The following BPIFC variants were observed in gnomAD, a reference collection of about 807,000 sequenced individuals.
The protein encoded by BPIFC is BPI fold containing family C, also known as BPI fold-containing family C protein.
Under a neutral mutation model 57.6 loss-of-function variants are expected in BPIFC, and 60 were observed. The observed-to-expected ratio is 1.04, with a 90% CI of 0.85 to 1.29. The LOEUF (loss-of-function observed/expected upper bound fraction) is 1.29. Among genes scored for constraint, BPIFC ranks in the 50% most tolerant of loss-of-function variants. The probability of loss-of-function intolerance (pLI) is 0.00; values close to 1 mark genes in which losing one functional copy is unlikely to be tolerated. For missense variants in BPIFC, 581 were observed against 600.5 expected, an observed-to-expected ratio of 0.97 and a Z score of 0.34; for synonymous variants, 243 against 224.5, an observed-to-expected ratio of 1.08 and a Z score of -0.74.
chr22:32,431,439 A>ATTTATTTTTTTTTTTTTT, intron 12 of BPIFC, 25 bp from the exon 13 acceptor site: 1 of 1,343,072 alleles, frequency 7.4e-7, no homozygotes, highest in Non-Finnish European at 1.1e-6. Flanking sequence ...AGCATTTATT[A>ATTTATTTTTTTTTTTTTT]TTAAGACGAG....
At chr22:32,430,120 G>A (rs535351642) in intron 13 of BPIFC, among the ~76,000 whole-genome samples, 8 of 152,266 alleles carry the variant, frequency 5.3e-5, no homozygotes, top group South Asian at 2.1e-4. Context: ...GCCTTTCACC[G>A]TGTGTCACAT....
chr22:32,430,300 C>A (rs557536942), intron 13 of BPIFC, among the ~76,000 whole-genome samples: 5 of 152,154 alleles, frequency 3.3e-5, no homozygotes, highest in Non-Finnish European at 7.3e-5. Context: ...GGATCACAGT[C>A]ATAGAGCCTG....
chr22:32,431,397 A>G lies in BPIFC; in HGVS notation c.1167T>C (p.Val389=). 2.5e-6 allele frequency: 4 copies of G among 1,611,076 alleles called. No homozygotes were observed. The highest frequency in any genetic ancestry group is 3.4e-6 in the Non-Finnish European group (4 of 1,177,498). Residue 389 remains valine (V), a synonymous_variant, in exon 13 of 17, where the codon GTT becomes GTC. Transcript: ENST00000300399. Reference sequence around the variant, plus strand: ...GTCTTTGTCCCAAAATAACCAGGCCAACACTGGTACTAGCAACCTATAGAC... The same window carrying G: ...GTCTTTGTCCCAAAATAACCAGGCCGACACTGGTACTAGCAACCTATAGAC... ...VSMDFVASTS[V]GLVILGQRLV...
Position 32,447,292 on chromosome 22 carries a change from C to T in BPIFC, c.294G>A (p.Val98=). The change falls in exon 5 of 17, where the codon GTG becomes GTA. Residue 98 remains valine, a synonymous_variant. Transcript: ENST00000300399. ...FSFPNTSLAF[V]PGVGIKALTN... ...TTAGCGCTTTGATTCCCACTCCAGG[C>T]ACAAAAGCCAATGAGGTATTTGGAA... The T allele has an allele frequency of 6.2e-7, 1 of 1,614,066 alleles. No individual in the cohort carries two copies. Among genetic ancestry groups the T allele is most frequent in the Non-Finnish European group, 8.5e-7 (1 of 1,179,986 alleles).
In BPIFC at chr22:32,427,169, G is replaced by T. The variant is rs5749436; in HGVS notation, c.1217+4178C>A. ...CAAGAGAATGAATTCACACATTTCC[G>T]GGATGATGTAAATTTATCGGCTTAA... is the stretch of plus-strand genomic sequence containing the variant. On this transcript the variant is annotated intron_variant, in intron 13 of 16. Transcript: ENST00000300399. Among the ~76,000 whole-genome samples, 19 of 152,066 alleles carry T rather than the reference G, an allele frequency of 1.2e-4. 1 individual carries two copies. In the South Asian group the frequency reaches 3.5e-3, roughly 28 times the overall value.
At position 32,442,676 on chromosome 22, in the gene BPIFC, A is replaced by G. The variant is rs765758490; in HGVS notation, c.650T>C (p.Leu217Pro). ...AAGACAGTTCTAAGACTCACCCTCC[A>G]GTGTGCTGAGGTTGGCATTTAGCGC... ...VKALNANLST[L>P]EVLTKIDNYT... Residue 217 changes from leucine to proline, a missense_variant, in exon 8 of 17, where the codon CTG becomes CCG. By Grantham distance (98) the Leu-to-Pro change is moderately conservative. Transcript: ENST00000300399. 1.2e-6 allele frequency: 2 copies of G among 1,613,430 alleles called. No homozygotes were observed. Among genetic ancestry groups the G allele is most frequent in the Non-Finnish European group, 1.7e-6 (2 of 1,179,400 alleles).
At chr22:32,437,395 T>C (rs1569451751) in intron 9 of BPIFC, among the ~76,000 whole-genome samples, 1 of 152,230 alleles carries the variant, frequency 6.6e-6, no homozygotes, top group Non-Finnish European at 1.5e-5. Context: ...GTTTTCATTT[T>C]GTTTTGTTTT....
At chr22:32,424,611 T>A (rs1933955351) in intron 13 of BPIFC, among the ~76,000 whole-genome samples, 1 of 57,460 alleles carries the variant, frequency 1.7e-5, no homozygotes, top group Non-Finnish European at 3.3e-5. Flanking sequence ...CTCCTCCTCC[T>A]CCTCCTCCTC....
chr22:32,449,787 T>G lies in BPIFC; in HGVS notation c.246-2447A>C, dbSNP rs958721380. Among the ~76,000 whole-genome samples, 7 of 151,010 alleles carry G rather than the reference T, an allele frequency of 4.6e-5. No homozygotes were observed. In the East Asian group the frequency reaches 5.8e-4, roughly 13 times the overall value. On this transcript the variant is annotated intron_variant, in intron 4 of 16. Transcript: ENST00000300399. ...TTTCACTCTGTCGCCCGGGCTGGAG[T>G]GCAGTGGCATGATCTCGGCTCACTA...
intron 12 of BPIFC, among the ~76,000 whole-genome samples, chr22:32,431,851 G>A (rs191142719): frequency 1.5e-4 from 23 of 152,162 alleles, no homozygotes; most frequent in South Asian, 6.2e-4. Flanking sequence ...TGGGAAGAGC[G>A]TGCATGAAGT....
intron 2 of BPIFC, among the ~76,000 whole-genome samples, chr22:32,457,635 A>G (rs1935072216): frequency 6.6e-6 from 1 of 151,986 alleles, no homozygotes; most frequent in Admixed American, 6.6e-5. Context: ...TCATTCAGCA[A>G]TCATTTATTG....
chr22:32,427,517 G>GCCTTT (rs770174023), intron 13 of BPIFC, among the ~76,000 whole-genome samples: 23 of 152,036 alleles, frequency 1.5e-4, no homozygotes, highest in Non-Finnish European at 3.1e-4. Flanking sequence ...CCCATTTCCA[G>GCCTTT]CCTTTCCTTT....
chr22:32,453,454 T>C lies in BPIFC; in HGVS notation c.174A>G (p.Lys58=). The change falls in exon 4 of 17, where the codon AAA becomes AAG. Residue 58 remains lysine (K), a synonymous_variant. Transcript: ENST00000300399. ...ACTCAGAACCGCTTAAATCTGGGAG[T>C]TTCTTTTCTTTTAGCATTTGCTCAA... ...KMIEQMLKEK[K]LPDLSGSESL... 1 of 1,606,460 alleles carries C rather than the reference T, an allele frequency of 6.2e-7. No homozygotes were observed. Among genetic ancestry groups the C allele is most frequent in the Non-Finnish European group, 8.5e-7 (1 of 1,178,260 alleles).
intron 3 of BPIFC, among the ~76,000 whole-genome samples, chr22:32,453,944 A>C (rs1416144167): frequency 1.1e-5 from 1 of 93,028 alleles, no homozygotes; most frequent in Admixed American, 1.1e-4. Context: ...AACAACAACA[A>C]AAAAAAAAAT....
Position 32,414,199 on chromosome 22 carries a change from C to T in BPIFC, c.*104G>A. 6.8e-7 allele frequency: 1 copy of T among 1,470,324 alleles called. No homozygotes were observed. The highest frequency in any genetic ancestry group is 2.4e-5 in the East Asian group (1 of 42,390). 91.1% of individuals were successfully genotyped at this position (1,470,324 alleles called of 1,614,324 possible). On this transcript the variant is annotated 3_prime_UTR_variant, in exon 17 of 17. Transcript: ENST00000300399. ...GAAAACTTTCTGCCTAAGCAATTCA[C>T]AAGGGCTTTACAATTCCAGTGTGTA...
At chr22:32,419,816 A>C (rs1366266844) in intron 13 of BPIFC, among the ~76,000 whole-genome samples, 1 of 151,296 alleles carries the variant, frequency 6.6e-6, no homozygotes, top group Admixed American at 6.6e-5. Flanking sequence ...AAAAAAAAAA[A>C]AAAAAAAACA....
At chr22:32,427,373 C>T (rs539293243) in intron 13 of BPIFC, among the ~76,000 whole-genome samples, 106 of 152,254 alleles carry the variant, frequency 7.0e-4, no homozygotes, top group Non-Finnish European at 1.1e-3. Flanking sequence ...GAAGTTGAAT[C>T]ATGATTAAAT....
At chr22:32,455,588 G>A (rs1306097654) in intron 3 of BPIFC, among the ~76,000 whole-genome samples, 1 of 152,142 alleles carries the variant, frequency 6.6e-6, no homozygotes, top group African/African-American at 2.4e-5. Flanking sequence ...GCTCAGGGAG[G>A]TTCAGTAACT....
At chr22:32,458,118 G>A (rs1204937459) in intron 2 of BPIFC, among the ~76,000 whole-genome samples, 3 of 151,984 alleles carry the variant, frequency 2.0e-5, no homozygotes, top group Non-Finnish European at 2.9e-5. Context: ...TGTAAACGCC[G>A]AAGTCATTTT....
Sources: allele counts gnomAD v4.1 joint callset (sites outside exome capture counted in the v4.1 genomes callset), GRCh38; gene constraint gnomAD v4.1.1; transcripts MANE v1.5; gene names NCBI Gene and HGNC (gene_info 2026-07-23, HGNC 2026-07-21).